SYCP2: variants seen among roughly 807,000 people sequenced by gnomAD.
SYCP2 encodes the protein synaptonemal complex protein 2.
Under a neutral mutation model 211.3 loss-of-function variants are expected in SYCP2, and 55 were observed. That is an observed-to-expected ratio of 0.26 (90% CI 0.21 to 0.33). SYCP2 has a LOEUF of 0.33. Among genes scored for constraint, SYCP2 ranks in the 10% least tolerant of loss-of-function variants. The pLI, the probability that SYCP2 is intolerant of heterozygous loss-of-function variation, is 1.00. For missense variants in SYCP2, 1,731 were observed against 1,752.0 expected (o/e 0.99, Z 0.21); for synonymous variants, 570 against 555.2 (o/e 1.03, Z -0.37).
At chr20:59,901,949 T>G in intron 15 of SYCP2, 139 bp from the exon 16 acceptor site, 1 of 614,732 alleles carries the variant, frequency 1.6e-6, no homozygotes, top group Non-Finnish European at 2.5e-6. Flanking sequence ...AATTAATCAA[T>G]TCTGGCACTA....
chr20:59,884,620 C>T (rs572779130), intron 26 of SYCP2, among the ~76,000 whole-genome samples: 1 of 152,010 alleles, frequency 6.6e-6, no homozygotes, highest in Non-Finnish European at 1.5e-5. Flanking sequence ...CAATATATTA[C>T]TCCTCTGATC....
At chr20:59,911,659 A>G (rs1490256858) in intron 14 of SYCP2, 91 bp downstream of exon 14, 2 of 513,842 alleles carry the variant, frequency 3.9e-6, no homozygotes, top group East Asian at 6.6e-5. Flanking sequence ...AAGACTGGCT[A>G]GAACATATAA....
At chr20:59,866,220 GAA>G (rs2059329369) in intron 41 of SYCP2, 71 bp downstream of exon 41, 1 of 966,702 alleles carries the variant, frequency 1.0e-6, no homozygotes, top group East Asian at 2.7e-5. Flanking sequence ...TCCCAAAAAA[GAA>G]AGTTTTTCCA....
rs569518447 is a variant in SYCP2, at chr20:59,922,763, T to G, written c.-46-304A>C. Among the ~76,000 whole-genome samples the G allele has an allele frequency of 4.6e-5, 7 of 151,538 alleles. No individual in the cohort carries two copies. The East Asian group carries it at 1.2e-3, about 25-fold the overall frequency. ...GAATAACCTGGATCTCCCTTTCCAG[T>G]GATTCCCTGCTATACTTGTTCCACC... On this transcript the variant is annotated intron_variant, in intron 2 of 44. Coordinates refer to ENST00000357552, the MANE Select transcript of SYCP2 (RefSeq NM_014258.4).
At chr20:59,874,124 G>C in intron 34 of SYCP2, 63 bp from the exon 35 acceptor site, 2 of 764,664 alleles carry the variant, frequency 2.6e-6, no homozygotes, top group Admixed American at 7.0e-5. Context: ...GTCTGCTTTA[G>C]AAATAGCACG....
chr20:59,910,386 T>A lies in SYCP2; in HGVS notation c.972+1364A>T, dbSNP rs1041713448. ...AGTGTAATTGCTTATTTTTTTTTTT[T>A]TTTTTTTTTTTTTTGAGACAGTCTC... On this transcript the variant is annotated intron_variant, in intron 14 of 44. Transcript: ENST00000357552. 7.4e-5 allele frequency among the ~76,000 whole-genome samples: 10 copies of A among 134,618 alleles called. No homozygotes were observed. The South Asian group carries it at 1.3e-3, about 17-fold the overall frequency. The allele number at this position is 134,618 out of a possible 152,430, so 88.3% of individuals were successfully genotyped here.
In SYCP2 at chr20:59,891,992, T is replaced by C. The variant is rs752081896; in HGVS notation, c.2362A>G (p.Met788Val). Residue 788 changes from methionine (M) to valine (V), a missense_variant and splice_region_variant, in exon 24 of 45, where the codon ATG becomes GTG. This residue lies in a region of SYCP2 where 1,387 missense variants were observed against 1,351.3 expected (regional missense o/e 1.03). Transcript: ENST00000357552. The part of the protein sequence containing the change: ...LNSWDSKQKK[M>V]REKSKGKEFT... ...ATCAAAACACATTGAAAGCTCACCA[T>C]TTTTTTTTGTTTCGAATCCCAGGAA... The C allele has an allele frequency of 2.6e-6, 4 of 1,509,978 alleles. No individual in the cohort carries two copies. The highest frequency in any genetic ancestry group is 1.4e-5 in the African/African-American group (1 of 71,192). The allele number at this position is 1,509,978 out of a possible 1,614,324, so 93.5% of individuals were successfully genotyped here.
chr20:59,932,942 G>C (rs1002338450), intron 1 of SYCP2, among the ~76,000 whole-genome samples: 17 of 152,074 alleles, frequency 1.1e-4, no homozygotes, highest in Non-Finnish European at 1.9e-4. Flanking sequence ...AAGTGGAACC[G>C]GCAGTGGCAA....
chr20:59,911,943 T>C (rs1045140661), intron 13 of SYCP2, 98 bp from the exon 14 acceptor site: 4 of 497,262 alleles, frequency 8.0e-6, no homozygotes, highest in Middle Eastern at 3.3e-4. Flanking sequence ...AAAACAAAGC[T>C]AGAAGGAGAG....
intron 14 of SYCP2, among the ~76,000 whole-genome samples, chr20:59,909,771 CTA>C (rs1277054326): frequency 6.6e-6 from 1 of 152,158 alleles, no homozygotes; most frequent in Non-Finnish European, 1.5e-5. Context: ...ATCTTATACT[CTA>C]TGCGGGAAAG....
chr20:59,902,468 C>T (rs1425345463), intron 15 of SYCP2, among the ~76,000 whole-genome samples: 1 of 152,082 alleles, frequency 6.6e-6, no homozygotes, highest in African/African-American at 2.4e-5. Context: ...TGCTCGTGTC[C>T]TACTTGTGGC....
chr20:59,933,004 T>A (rs1312446525), intron 1 of SYCP2, among the ~76,000 whole-genome samples: 1 of 151,616 alleles, frequency 6.6e-6, no homozygotes, highest in Non-Finnish European at 1.5e-5. Flanking sequence ...CGGTGACCCT[T>A]TTCCCAGGGT....
chr20:59,896,129 GA>G (rs1219153643), intron 19 of SYCP2, among the ~76,000 whole-genome samples: 1 of 152,040 alleles, frequency 6.6e-6, no homozygotes, highest in Admixed American at 6.6e-5. Context: ...TACACAGCTG[GA>G]AGTGGGGAGC....
rs765734853 is a variant in SYCP2, at chr20:59,901,788, C to T, written c.1056G>A (p.Leu352=). Residue 352 remains leucine (L), a synonymous_variant, in exon 16 of 45, where the codon CTG becomes CTA. Coordinates refer to ENST00000357552, the MANE Select transcript of SYCP2 (RefSeq NM_014258.4). ...TTACTGTATTTTTCAGAATTATTGT[C>T]AGTAGCTTCTTTGATTCTCTCACTG... The part of the protein sequence containing the change: ...SIEVRESKKL[L]TIILKNTVKI... 1 of 1,597,654 alleles carries T rather than the reference C, an allele frequency of 6.3e-7. No individual in the cohort carries two copies. Among genetic ancestry groups the T allele is most frequent in the Non-Finnish European group, 8.5e-7 (1 of 1,173,078 alleles).
At chr20:59,880,500 G>A in intron 30 of SYCP2, 29 bp from the exon 31 acceptor site, 1 of 1,332,482 alleles carries the variant, frequency 7.5e-7, no homozygotes, top group Non-Finnish European at 1.0e-6. Context: ...AATGCATGAA[G>A]AAATACTACA....
In SYCP2 at chr20:59,911,804, A is replaced by C; in HGVS notation, c.918T>G (p.Ile306Met). 6.3e-7 allele frequency: 1 copy of C among 1,591,328 alleles called. No homozygotes were observed. The highest frequency in any genetic ancestry group is 8.6e-7 in the Non-Finnish European group (1 of 1,166,964). ...GAGTCTGACTCCCAAGATTAAAATC[A>C]ATCCAAAATTCCTCAAGTTTTTCAT... ...PSDEKLEEFW[I>M]DFNLGSQTLS... The change falls in exon 14 of 45, where the codon ATT becomes ATG. Residue 306 changes from isoleucine (I) to methionine (M), a missense_variant. This residue lies in a region of SYCP2 where 335 missense variants were observed against 378.8 expected (regional missense o/e 0.88). Transcript: ENST00000357552.
intron 30 of SYCP2, 66 bp from the exon 31 acceptor site, chr20:59,880,537 A>C (rs2059656961): frequency 2.2e-6 from 2 of 902,018 alleles, no homozygotes; most frequent in African/African-American, 3.5e-5. Context: ...AAGGTAAGTT[A>C]AACCAAAACA....
At chr20:59,881,371 G>T in intron 29 of SYCP2, 66 bp downstream of exon 29, 1 of 833,232 alleles carries the variant, frequency 1.2e-6, no homozygotes, top group South Asian at 1.7e-5. Flanking sequence ...AAAACTCTAA[G>T]ACTGGGAGGA....
chr20:59,864,938 C>G (rs1473969377), intron 44 of SYCP2, among the ~76,000 whole-genome samples: 9 of 151,992 alleles, frequency 5.9e-5, no homozygotes, highest in Admixed American at 5.9e-4. Context: ...AATGCAGCTG[C>G]TGGTCTACTA....
Sources: gnomAD v4.1 joint callset for allele counts (sites outside exome capture counted in the v4.1 genomes callset) on GRCh38, gnomAD v4.1.1 for gene constraint, gnomAD v4.1.1 regional missense constraint, MANE v1.5 for transcripts, NCBI Gene and HGNC (gene_info 2026-07-23, HGNC 2026-07-21) for gene names.